LRIG1: variants seen among roughly 807,000 people sequenced by gnomAD.
LRIG1 encodes leucine-rich repeats and immunoglobulin-like domains protein 1.
LRIG1 carries 48 observed loss-of-function variants against 99.2 expected under a neutral mutation model. The ratio of observed to expected loss-of-function variants is 0.48; its 90% CI spans 0.38 to 0.62. LRIG1 has a LOEUF of 0.62. Ranked by LOEUF, LRIG1 falls within the 20% of genes least tolerant of loss-of-function variation. The pLI is 0.00. For synonymous variants in LRIG1, 772 were observed against 596.1 expected, an observed-to-expected ratio of 1.29 and a Z score of -4.30; for missense variants, 1,646 against 1,434.4, an observed-to-expected ratio of 1.15 and a Z score of -2.38.
chr3:66,381,246 G>C (rs1467635724), intron 17 of LRIG1, among the ~76,000 whole-genome samples: 4 of 152,182 alleles, frequency 2.6e-5, no homozygotes, highest in African/African-American at 4.8e-5. Context: ...CCTTATTTAA[G>C]TTGCTTATAC....
In LRIG1 at chr3:66,417,377, C is replaced by T. The variant is rs1702647631; in HGVS notation, c.366-111G>A. The T allele has an allele frequency of 3.6e-6, 4 of 1,116,544 alleles. No individual in the cohort carries two copies. In the Admixed American group the frequency reaches 6.5e-5, roughly 18 times the overall value. 69.2% of individuals were successfully genotyped at this position (1,116,544 alleles called of 1,614,324 possible). A position where few individuals can be genotyped will look rare whatever the true frequency, so the allele number is the denominator to read the frequency against. On this transcript the variant is annotated intron_variant, in intron 3 of 18. Transcript: ENST00000273261. ...CCAATATAACTACAATGCAGTGACG[C>T]TCTTAAAAATGAGATCTCCTGTTTC...
chr3:66,455,323 A>C (rs1371192585), intron 2 of LRIG1, among the ~76,000 whole-genome samples: 1 of 152,242 alleles, frequency 6.6e-6, no homozygotes, highest in Non-Finnish European at 1.5e-5. Context: ...TTCAAAAAAG[A>C]ATACATAGTA....
chr3:66,410,319 T>A (rs1370164554), intron 6 of LRIG1, 47 bp from the exon 7 acceptor site: 21 of 1,550,602 alleles, frequency 1.4e-5, no homozygotes, highest in Non-Finnish European at 1.7e-5. Context: ...TTCACTCCCT[T>A]CACTGGACAG....
In LRIG1 at chr3:66,460,018, G is replaced by T. The variant is rs1295931072; in HGVS notation, c.290+2420C>A. ...CATTCATTTTGACTTTCAAAATATTGTATCAAAATACCCTTTATCTTGACT... is the reference window on the plus strand; with the variant it reads ...CATTCATTTTGACTTTCAAAATATTTTATCAAAATACCCTTTATCTTGACT... On this transcript the variant is annotated intron_variant, in intron 2 of 18. Transcript: ENST00000273261. Among the ~76,000 whole-genome samples, 7 of 150,896 alleles carry T rather than the reference G, an allele frequency of 4.6e-5. 1 individual carries two copies. The South Asian group carries it at 1.5e-3, about 32-fold the overall frequency.
chr3:66,384,297 C>T (rs752532586), intron 13 of LRIG1, 25 bp from the exon 14 acceptor site: 29 of 1,594,260 alleles, frequency 1.8e-5, no homozygotes, highest in Non-Finnish European at 2.2e-5. Context: ...TATACAGGGT[C>T]GGGTTACGGG....
chr3:66,394,355 C>A, intron 11 of LRIG1, 152 bp from the exon 12 acceptor site: 1 of 699,060 alleles, frequency 1.4e-6, no homozygotes, highest in East Asian at 2.9e-5. Context: ...ACTTCCTCTC[C>A]AATTTCCCAG....
At chr3:66,414,875 T>C in intron 5 of LRIG1, 45 bp downstream of exon 5, 3 of 1,509,154 alleles carry the variant, frequency 2.0e-6, no homozygotes, top group Non-Finnish European at 2.7e-6. Flanking sequence ...CTGGCCTCCA[T>C]AAAGTTTGGC....
chr3:66,478,285 A>G (rs544037304), intron 1 of LRIG1, among the ~76,000 whole-genome samples: 2 of 152,328 alleles, frequency 1.3e-5, no homozygotes, highest in East Asian at 3.9e-4. Context: ...GTTAACCCCA[A>G]TGGGGCAGAA....
chr3:66,397,250 C>T (rs991369828), intron 11 of LRIG1, among the ~76,000 whole-genome samples: 2 of 152,166 alleles, frequency 1.3e-5, no homozygotes, highest in African/African-American at 2.4e-5. Context: ...CCTCATTTCC[C>T]CAGTCCCAGC....
chr3:66,494,626 T>C (rs1047358040), intron 1 of LRIG1, among the ~76,000 whole-genome samples: 4 of 152,228 alleles, frequency 2.6e-5, no homozygotes, highest in African/African-American at 7.2e-5. Context: ...ATAAAGTACT[T>C]AGGTAAAAAC....
chr3:66,498,671 CA>C (rs11296177), intron 1 of LRIG1, among the ~76,000 whole-genome samples: 5,304 of 152,008 alleles, frequency 0.035, 311 homozygotes, highest in African/African-American at 0.12. Context: ...CAGTACTTCA[CA>C]AAAGCTCTGC....
chr3:66,453,871 G>C (rs1158569486), intron 2 of LRIG1, among the ~76,000 whole-genome samples: 1 of 152,200 alleles, frequency 6.6e-6, no homozygotes, highest in East Asian at 1.9e-4. Flanking sequence ...TGATGAGCCT[G>C]GTCTCAGGCC....
chr3:66,453,084 G>A (rs1703959210), intron 2 of LRIG1, among the ~76,000 whole-genome samples: 1 of 152,142 alleles, frequency 6.6e-6, no homozygotes, highest in East Asian at 1.9e-4. Context: ...CAGGGACACT[G>A]AAAACTCCCC....
At chr3:66,405,907 A>G (rs1702252450) in intron 8 of LRIG1, 2 of 1,017,562 alleles carry the variant, frequency 2.0e-6, no homozygotes, top group South Asian at 3.6e-5. Context: ...CCCCTCCAAC[A>G]ATGCAAATCC....
chr3:66,414,086 C>T (rs2106684359), intron 5 of LRIG1, among the ~76,000 whole-genome samples: 1 of 152,220 alleles, frequency 6.6e-6, no homozygotes, highest in South Asian at 2.1e-4. Flanking sequence ...GTAAACTAAA[C>T]AATTAAATTG....
intron 10 of LRIG1, among the ~76,000 whole-genome samples, chr3:66,398,696 G>T (rs979891318): frequency 2.6e-5 from 4 of 152,196 alleles, no homozygotes; most frequent in African/African-American, 9.7e-5. Context: ...GCCAGTGCAG[G>T]GGTTAGGCTG....
rs1341530807 is a variant in LRIG1, at chr3:66,408,943, T to TGTGTGC, written c.935+1185_935+1186insGCACAC. 2.8e-4 allele frequency among the ~76,000 whole-genome samples: 30 copies of TGTGTGC among 106,612 alleles called. 1 individual carries two copies. Among genetic ancestry groups the TGTGTGC allele is most frequent in the African/African-American group, 1.0e-3 (27 of 26,656 alleles). 69.9% of individuals were successfully genotyped at this position (106,612 alleles called of 152,430 possible). Reference sequence around the variant, plus strand: ...GTGTGTGTGTGTGTGTGTGTGTGTGTGTGTGTGTGTGTGTGTGTGGTGGGG... The same window carrying TGTGTGC: ...GTGTGTGTGTGTGTGTGTGTGTGTGTGTGTGCGTGTGTGTGTGTGTGTGTGGTGGGG... On this transcript the variant is annotated intron_variant, in intron 7 of 18. Transcript: ENST00000273261.
chr3:66,431,318 TG>T lies in LRIG1; in HGVS notation c.366-14053del, dbSNP rs776045751. Among the ~76,000 whole-genome samples, 57 of 152,282 alleles carry T rather than the reference TG, an allele frequency of 3.7e-4. 1 individual carries two copies. The highest frequency in any genetic ancestry group is 7.5e-4 in the Non-Finnish European group (51 of 68,024). ...ACTCCAGGGGCTGAGCAACTGTTTCTGGACAAGAAAAGCAGAAAAGGTGAGA... is the reference window on the plus strand; with the variant it reads ...ACTCCAGGGGCTGAGCAACTGTTTCTGACAAGAAAAGCAGAAAAGGTGAGA... On this transcript the variant is annotated intron_variant, in intron 3 of 18. Coordinates refer to ENST00000273261, the MANE Select transcript of LRIG1 (RefSeq NM_015541.3).
At chr3:66,398,220 C>T (rs1436319245) in intron 10 of LRIG1, 37 bp from the exon 11 acceptor site, 1 of 1,535,392 alleles carries the variant, frequency 6.5e-7, no homozygotes, top group Non-Finnish European at 9.0e-7. Context: ...CAAAGAAACC[C>T]TAGGTACACC....
Sources: gnomAD v4.1 joint callset for allele counts (sites outside exome capture counted in the v4.1 genomes callset) on GRCh38, gnomAD v4.1.1 for gene constraint, MANE v1.5 for transcripts, NCBI Gene and HGNC (gene_info 2026-07-23, HGNC 2026-07-21) for gene names.